Variants in ARPP21 observed in about 807,000 individuals in gnomAD.
ARPP21 encodes cAMP regulated phosphoprotein 21, also known as cAMP-regulated phosphoprotein 21.
ARPP21 carries 69 observed loss-of-function variants against 113.2 expected under a neutral mutation model. The ratio of observed to expected loss-of-function variants is 0.61; its 90% CI spans 0.50 to 0.74. The LOEUF (loss-of-function observed/expected upper bound fraction) is 0.74, where lower values mean the gene tolerates loss of function less well. Among genes scored for constraint, ARPP21 ranks in the 30% least tolerant of loss-of-function variants. ARPP21 has a pLI of 0.00. For synonymous variants in ARPP21, 368 were observed against 375.5 expected, an observed-to-expected ratio of 0.98 and a Z score of 0.23; for missense variants, 1,070 against 1,037.4, an observed-to-expected ratio of 1.03 and a Z score of -0.43.
chr3:35,738,863 T>A (rs1487698594), intron 17 of ARPP21, among the ~76,000 whole-genome samples: 1 of 152,194 alleles, frequency 6.6e-6, no homozygotes, highest in Non-Finnish European at 1.5e-5. Flanking sequence ...AGCCTGTTGG[T>A]GATACTGGTC....
At chr3:35,668,513 C>T (rs114021918) in intron 1 of ARPP21, among the ~76,000 whole-genome samples, 2 of 152,214 alleles carry the variant, frequency 1.3e-5, no homozygotes, top group African/African-American at 4.8e-5. Flanking sequence ...CACAGAGTTG[C>T]CAGCAGAGAG....
At chr3:35,682,689 A>G (rs2079278667) in intron 3 of ARPP21, among the ~76,000 whole-genome samples, 159 bp from the exon 4 acceptor site, 1 of 151,654 alleles carries the variant, frequency 6.6e-6, no homozygotes, top group African/African-American at 2.4e-5. Context: ...AGTCCTCCCT[A>G]ATGGTTGTGA....
intron 1 of ARPP21, among the ~76,000 whole-genome samples, chr3:35,673,929 C>T (rs1048873850): frequency 6.6e-6 from 1 of 151,746 alleles, no homozygotes; most frequent in Admixed American, 6.6e-5. Context: ...TGCCTTTTTT[C>T]TTTGTGTTGA....
intron 5 of ARPP21, chr3:35,684,387 C>G: frequency 1.0e-6 from 1 of 984,350 alleles, no homozygotes; most frequent in Non-Finnish European, 1.2e-6. Flanking sequence ...ATTAATATAT[C>G]ACTGCATATT....
chr3:35,737,856 C>A (rs1477277577), intron 16 of ARPP21, among the ~76,000 whole-genome samples: 3 of 152,190 alleles, frequency 2.0e-5, no homozygotes, highest in Non-Finnish European at 4.4e-5. Context: ...GCTGGGAAGA[C>A]ACAGATGCGT....
intron 1 of ARPP21, among the ~76,000 whole-genome samples, chr3:35,668,444 T>C (rs1035894569): frequency 4.3e-4 from 65 of 151,992 alleles, no homozygotes; most frequent in Non-Finnish European, 7.4e-5. Context: ...AGAGCAATCA[T>C]GGCCTAATCT....
chr3:35,701,918 A>G (rs1269897304), intron 9 of ARPP21, among the ~76,000 whole-genome samples: 2 of 151,736 alleles, frequency 1.3e-5, no homozygotes, highest in Non-Finnish European at 1.5e-5. Flanking sequence ...GTAATAATAC[A>G]TGCTATGAAA....
At chr3:35,786,166 C>T (rs1042110889) in intron 19 of ARPP21, among the ~76,000 whole-genome samples, 1 of 152,154 alleles carries the variant, frequency 6.6e-6, no homozygotes, top group Non-Finnish European at 1.5e-5. Context: ...TTAACCGTAT[C>T]TTAATTTGTA....
At chr3:35,721,550 CCATG>C (rs1259515705) in intron 13 of ARPP21, 51 bp from the exon 14 acceptor site, 2 of 1,006,768 alleles carry the variant, frequency 2.0e-6, no homozygotes, top group African/African-American at 3.1e-5. Flanking sequence ...CCTACCAACA[CCATG>C]CATGTAAGGT....
At chr3:35,713,433 T>A (rs971047278) in intron 11 of ARPP21, among the ~76,000 whole-genome samples, 1 of 152,092 alleles carries the variant, frequency 6.6e-6, no homozygotes, top group Non-Finnish European at 1.5e-5. Flanking sequence ...AAAGTCCCTG[T>A]CACCTAGGTT....
In ARPP21 at chr3:35,689,374, G is replaced by A. The variant is rs1378396699; in HGVS notation, c.474G>A (p.Lys158=). Residue 158 remains lysine, a synonymous_variant, in exon 7 of 21, where the codon AAG becomes AAA. Coordinates refer to ENST00000684406, the MANE Select transcript of ARPP21 (RefSeq NM_001385562.1). ...ACGAGTTTCTGATTAACACATTAAAGAATAATTCCAGGTAAATTATTAAAT... is the reference window on the plus strand; with the variant it reads ...ACGAGTTTCTGATTAACACATTAAAAAATAATTCCAGGTAAATTATTAAAT... ...DLHEFLINTL[K]NNSRDRMILL... is the part of the protein sequence containing the mutation. 6.6e-7 allele frequency: 1 copy of A among 1,517,710 alleles called. No homozygotes were observed. The highest frequency in any genetic ancestry group is 1.1e-5 in the South Asian group (1 of 88,958). 94.0% of individuals were successfully genotyped at this position (1,517,710 alleles called of 1,614,324 possible). A position where few individuals can be genotyped will look rare whatever the true frequency, so the allele number is the denominator to read the frequency against.
At chr3:35,729,206 AATG>A in intron 14 of ARPP21, 94 bp from the exon 15 acceptor site, 1 of 785,782 alleles carries the variant, frequency 1.3e-6, no homozygotes, top group Non-Finnish European at 2.1e-6. Flanking sequence ...CAAATTCTTT[AATG>A]ATGTGTCGCA....
chr3:35,650,847 A>G (rs540411318), intron 1 of ARPP21, among the ~76,000 whole-genome samples: 2 of 152,270 alleles, frequency 1.3e-5, no homozygotes, highest in African/African-American at 2.4e-5. Context: ...GGTTGAAATT[A>G]CATTGGGATT....
intron 19 of ARPP21, among the ~76,000 whole-genome samples, chr3:35,780,578 G>A (rs1002596361): frequency 1.3e-5 from 2 of 151,624 alleles, no homozygotes; most frequent in African/African-American, 4.8e-5. Context: ...CTCTGTGAGG[G>A]AAAAAAAATA....
At chr3:35,757,069 A>ATT (rs142766845) in intron 19 of ARPP21, among the ~76,000 whole-genome samples, 34,730 of 136,826 alleles carry the variant, frequency 0.25, 4,661 homozygotes, top group Non-Finnish European at 0.29. Context: ...CCTTTTAGTG[A>ATT]TTTTTTTTTT....
intron 1 of ARPP21, among the ~76,000 whole-genome samples, chr3:35,652,863 C>T (rs895382008): frequency 1.3e-5 from 2 of 152,084 alleles, no homozygotes; most frequent in South Asian, 4.1e-4. Flanking sequence ...TTCTGCTCTG[C>T]GGGAATTACT....
chr3:35,664,906 T>G lies in ARPP21; in HGVS notation c.-212-14881T>G, dbSNP rs28642108. The stretch of plus-strand genomic sequence containing the variant: ...CATTCAGGGAGGGGCTTCAGAGGAG[T>G]GTCACTTGCATACTCTGAGTGACTT... On this transcript the variant is annotated intron_variant, in intron 1 of 20. Transcript: ENST00000684406. 4.8e-3 allele frequency among the ~76,000 whole-genome samples: 738 copies of G among 152,184 alleles called. 8 individuals carry two copies. The highest frequency in any genetic ancestry group is 0.017 in the African/African-American group (716 of 41,536).
intron 11 of ARPP21, among the ~76,000 whole-genome samples, chr3:35,709,762 C>T (rs539313435): frequency 2.4e-4 from 37 of 152,304 alleles, no homozygotes; most frequent in African/African-American, 8.4e-4. Context: ...ACTGCCATAG[C>T]GTTTTCATTC....
At chr3:35,745,095 T>G (rs2094938904) in intron 19 of ARPP21, among the ~76,000 whole-genome samples, 1 of 152,242 alleles carries the variant, frequency 6.6e-6, no homozygotes, top group East Asian at 1.9e-4. Context: ...TTGTCTTGTT[T>G]CAGCACTGTA....
Sources: gnomAD v4.1 joint callset for allele counts (sites outside exome capture counted in the v4.1 genomes callset) on GRCh38, gnomAD v4.1.1 for gene constraint, MANE v1.5 for transcripts, NCBI Gene and HGNC (gene_info 2026-07-23, HGNC 2026-07-21) for gene names.